The following DYNC1I1 variants were observed in gnomAD, a reference collection of about 807,000 sequenced individuals.
DYNC1I1 encodes the protein dynein cytoplasmic 1 intermediate chain 1.
In DYNC1I1, 43 loss-of-function variants were observed where a neutral mutation model predicts 86.6. That is an observed-to-expected ratio of 0.50 (90% CI 0.39 to 0.64). The LOEUF (loss-of-function observed/expected upper bound fraction) is 0.64, where lower values mean the gene tolerates loss of function less well. Ranked by LOEUF, DYNC1I1 falls within the 30% of genes least tolerant of loss-of-function variation. The probability of loss-of-function intolerance (pLI) is 0.00; values close to 1 mark genes in which losing one functional copy is unlikely to be tolerated. For missense variants in DYNC1I1, 604 were observed against 788.8 expected, an observed-to-expected ratio of 0.77 and a Z score of 2.81; for synonymous variants, 262 against 283.7, an observed-to-expected ratio of 0.92 and a Z score of 0.77.
intron 1 of DYNC1I1, among the ~76,000 whole-genome samples, chr7:95,793,048 C>A (rs1240272158): frequency 1.3e-5 from 2 of 152,102 alleles, no homozygotes; most frequent in African/African-American, 2.4e-5. Flanking sequence ...TCACCCAAAT[C>A]TGATGGGTAC....
At chr7:96,048,875 C>T (rs1003145760) in intron 14 of DYNC1I1, among the ~76,000 whole-genome samples, 1 of 152,190 alleles carries the variant, frequency 6.6e-6, no homozygotes, top group African/African-American at 2.4e-5. Flanking sequence ...AACAGTTACG[C>T]TTGAAACTTG....
intron 6 of DYNC1I1, among the ~76,000 whole-genome samples, chr7:95,914,266 G>T (rs187326206): frequency 5.5e-4 from 83 of 152,292 alleles, no homozygotes; most frequent in African/African-American, 1.8e-3. Flanking sequence ...CTGCTTTCTT[G>T]TCCATGGCTC....
chr7:95,994,062 T>C (rs1793797732), intron 9 of DYNC1I1, among the ~76,000 whole-genome samples: 1 of 152,198 alleles, frequency 6.6e-6, no homozygotes, highest in Admixed American at 6.5e-5. Context: ...TTCTAATACC[T>C]AGAATCACTA....
chr7:96,076,026 A>G (rs1790324807), intron 14 of DYNC1I1, 31 bp from the exon 15 acceptor site: 2 of 1,603,330 alleles, frequency 1.2e-6, no homozygotes, highest in African/African-American at 2.7e-5. Flanking sequence ...CAGCAGCGCC[A>G]CAAAGTCTTC....
At chr7:95,910,480 G>T (rs1488727580) in intron 6 of DYNC1I1, among the ~76,000 whole-genome samples, 4 of 152,138 alleles carry the variant, frequency 2.6e-5, no homozygotes, top group Non-Finnish European at 5.9e-5. Context: ...CCTGGAAGTG[G>T]TAAGTCTTGA....
chr7:95,951,650 G>A (rs1163449877), intron 6 of DYNC1I1, among the ~76,000 whole-genome samples: 1 of 152,082 alleles, frequency 6.6e-6, no homozygotes, highest in Non-Finnish European at 1.5e-5. Context: ...AATGCCTCTA[G>A]TTCATGAAAT....
At chr7:95,840,750 C>G (rs1258675796) in intron 5 of DYNC1I1, among the ~76,000 whole-genome samples, 2 of 152,198 alleles carry the variant, frequency 1.3e-5, no homozygotes, top group Admixed American at 6.5e-5. Flanking sequence ...TTCCTTCGTG[C>G]TTCCAAACTG....
At chr7:95,931,089 C>A (rs1381596133) in intron 6 of DYNC1I1, among the ~76,000 whole-genome samples, 2 of 151,530 alleles carry the variant, frequency 1.3e-5, no homozygotes, top group South Asian at 2.1e-4. Flanking sequence ...TCTAATTATT[C>A]TTTTATTATC....
In DYNC1I1 at chr7:95,792,848, T is replaced by A. The variant is rs1278612477; in HGVS notation, c.-9-11873T>A. Among the ~76,000 whole-genome samples the A allele has an allele frequency of 2.0e-5, 3 of 151,758 alleles. No homozygotes were observed. In the East Asian group the frequency reaches 5.8e-4, roughly 30 times the overall value. Reference sequence around the variant, plus strand: ...TGAATAGGGGGCATCAGGTTAAACATGGTGAGAATAACATTTCTGGAATTT... The same window carrying A: ...TGAATAGGGGGCATCAGGTTAAACAAGGTGAGAATAACATTTCTGGAATTT... On this transcript the variant is annotated intron_variant, in intron 1 of 16. Coordinates refer to ENST00000447467, the MANE Select transcript of DYNC1I1 (RefSeq NM_001135556.2).
At chr7:96,049,645 A>G (rs996336831) in intron 14 of DYNC1I1, among the ~76,000 whole-genome samples, 2 of 152,184 alleles carry the variant, frequency 1.3e-5, no homozygotes, top group African/African-American at 4.8e-5. Flanking sequence ...AATCCTCCAA[A>G]TCGTAGAAAG....
At chr7:95,886,792 G>A (rs1045463503) in intron 6 of DYNC1I1, among the ~76,000 whole-genome samples, 2 of 152,218 alleles carry the variant, frequency 1.3e-5, no homozygotes, top group African/African-American at 4.8e-5. Context: ...TTTATCTGGA[G>A]AACATATGAA....
At chr7:95,907,509 T>C (rs1791206567) in intron 6 of DYNC1I1, among the ~76,000 whole-genome samples, 1 of 152,150 alleles carries the variant, frequency 6.6e-6, no homozygotes. Flanking sequence ...TATGGTCAAA[T>C]CACATTCCTG....
intron 10 of DYNC1I1, among the ~76,000 whole-genome samples, chr7:96,022,314 C>G (rs1794572362): frequency 6.6e-6 from 1 of 152,046 alleles, no homozygotes; most frequent in African/African-American, 2.4e-5. Flanking sequence ...ATGAAAATTC[C>G]AAGGAATTCT....
intron 14 of DYNC1I1, among the ~76,000 whole-genome samples, chr7:96,041,816 C>G (rs1789060864): frequency 6.6e-6 from 1 of 151,516 alleles, no homozygotes; most frequent in African/African-American, 2.4e-5. Context: ...AGACAGGAAG[C>G]TAAAAGAAAA....
intron 9 of DYNC1I1, 73 bp from the exon 10 acceptor site, chr7:95,995,875 T>C: frequency 6.5e-7 from 1 of 1,531,156 alleles, no homozygotes. Flanking sequence ...ATACCACGTG[T>C]ATGTAGGAAT....
chr7:95,804,861 T>C, intron 2 of DYNC1I1, 24 bp downstream of exon 2: 1 of 1,537,146 alleles, frequency 6.5e-7, no homozygotes, highest in East Asian at 2.4e-5. Context: ...GTTGGGGTGT[T>C]GTGGGGGAAA....
chr7:95,800,677 C>A (rs1794555575), intron 1 of DYNC1I1, among the ~76,000 whole-genome samples: 1 of 152,102 alleles, frequency 6.6e-6, no homozygotes, highest in African/African-American at 2.4e-5. Flanking sequence ...CAGGGAGGAG[C>A]CCTATACCCA....
At chr7:95,940,400 C>G (rs1013653194) in intron 6 of DYNC1I1, among the ~76,000 whole-genome samples, 2 of 152,176 alleles carry the variant, frequency 1.3e-5, no homozygotes, top group Non-Finnish European at 2.9e-5. Context: ...TGTTTTCCAA[C>G]TTGGTTCCAT....
intron 6 of DYNC1I1, among the ~76,000 whole-genome samples, chr7:95,943,227 T>C (rs1376438047): frequency 1.3e-5 from 2 of 151,798 alleles, no homozygotes; most frequent in African/African-American, 4.8e-5. Flanking sequence ...TATATGCCAA[T>C]AACAGACAAA....
Sources: gnomAD v4.1 joint callset for allele counts (sites outside exome capture counted in the v4.1 genomes callset) on GRCh38, gnomAD v4.1.1 for gene constraint, MANE v1.5 for transcripts, NCBI Gene and HGNC (gene_info 2026-07-23, HGNC 2026-07-21) for gene names.